The following PRR16 variants were observed in gnomAD, a reference collection of about 807,000 sequenced individuals.
PRR16 encodes protein Largen.
A neutral mutation model predicts 18.2 loss-of-function variants in PRR16; 6 were observed. The observed-to-expected ratio is 0.33, with a 90% CI of 0.18 to 0.65. The LOEUF (loss-of-function observed/expected upper bound fraction) is 0.65. PRR16 is among the 30% of genes least tolerant of loss of function. PRR16 has a pLI of 0.74. For missense variants in PRR16, 412 were observed against 376.6 expected, an observed-to-expected ratio of 1.09 and a Z score of -0.78; for synonymous variants, 151 against 147.8, an observed-to-expected ratio of 1.02 and a Z score of -0.16.
At chr5:120,715,012 C>T in the PRR16 span, among the ~76,000 whole-genome samples, 49 of 151,572 alleles carry the variant, frequency 3.2e-4, no homozygotes, top group African/African-American at 1.1e-3. Context: ...GGGGAGGGAA[C>T]TTAGAGGACA....
chr5:120,582,443 A>G (rs1173563400), intron 1 of PRR16, among the ~76,000 whole-genome samples: 3 of 152,078 alleles, frequency 2.0e-5, no homozygotes, highest in Admixed American at 6.6e-5. Context: ...GTACCCCTGA[A>G]TCTAAAATAA....
chr5:120,743,674 T>C, the PRR16 span, among the ~76,000 whole-genome samples: 3 of 152,150 alleles, frequency 2.0e-5, no homozygotes, highest in Admixed American at 1.3e-4. Flanking sequence ...CATGGTTACT[T>C]TTACTTTTTG....
intron 1 of PRR16, among the ~76,000 whole-genome samples, chr5:120,645,049 C>A (rs1377477881): frequency 6.6e-6 from 1 of 152,066 alleles, no homozygotes; most frequent in Non-Finnish European, 1.5e-5. Flanking sequence ...CTCTGGAGGT[C>A]AGTTATTTGC....
intron 1 of PRR16, chr5:120,481,126 A>G: frequency 8.4e-7 from 1 of 1,190,288 alleles, no homozygotes; most frequent in Non-Finnish European, 1.1e-6. Context: ...CAGCTACTTT[A>G]CCAATGTTTT....
intron 1 of PRR16, among the ~76,000 whole-genome samples, chr5:120,680,153 G>C (rs1351603973): frequency 6.6e-6 from 1 of 151,942 alleles, no homozygotes; most frequent in Non-Finnish European, 1.5e-5. Context: ...CATTTTCTCA[G>C]CATGACTTTA....
At chr5:120,752,790 G>T in the PRR16 span, among the ~76,000 whole-genome samples, 1 of 151,834 alleles carries the variant, frequency 6.6e-6, no homozygotes, top group African/African-American at 2.4e-5. Flanking sequence ...TTACGAGATA[G>T]TTATTTAGCT....
In PRR16 at chr5:120,541,317, T is replaced by G. The variant is rs145217657; in HGVS notation, c.159+76672T>G. On this transcript the variant is annotated intron_variant, in intron 1 of 1. Transcript: ENST00000407149. ...CATGCCACCATGCCCAGCTAATTTTTGTATTTTTAGTTGAGATGTGGTTTC... is the reference window on the plus strand; with the variant it reads ...CATGCCACCATGCCCAGCTAATTTTGGTATTTTTAGTTGAGATGTGGTTTC... 1.7e-4 allele frequency among the ~76,000 whole-genome samples: 26 copies of G among 152,300 alleles called. 1 individual carries two copies. The East Asian group carries it at 4.4e-3, about 26-fold the overall frequency.
chr5:120,768,595 C>G, the PRR16 span, among the ~76,000 whole-genome samples: 2 of 151,392 alleles, frequency 1.3e-5, no homozygotes, highest in African/African-American at 2.4e-5. Context: ...CTTTACTCAT[C>G]GTATTCACCT....
intron 1 of PRR16, among the ~76,000 whole-genome samples, chr5:120,634,080 T>G (rs966714854): frequency 6.6e-6 from 1 of 152,128 alleles, no homozygotes; most frequent in Non-Finnish European, 1.5e-5. Context: ...TCAAGTACTC[T>G]CTCAGATCAC....
intron 1 of PRR16, among the ~76,000 whole-genome samples, chr5:120,603,832 G>A (rs1350511414): frequency 6.6e-6 from 1 of 151,804 alleles, no homozygotes; most frequent in African/African-American, 2.4e-5. Context: ...TCAGGAGCAG[G>A]TTATTTAATT....
chr5:120,698,518 CAAGAG>C, the PRR16 span, among the ~76,000 whole-genome samples: 2 of 135,020 alleles, frequency 1.5e-5, no homozygotes, highest in African/African-American at 5.7e-5. Context: ...ACAGTGTAAA[CAAGAG>C]CAGGGCATGT....
intron 1 of PRR16, among the ~76,000 whole-genome samples, chr5:120,563,713 C>T (rs1752647788): frequency 6.6e-6 from 1 of 152,190 alleles, no homozygotes; most frequent in Non-Finnish European, 1.5e-5. Flanking sequence ...AAATGCCTGC[C>T]TATTGCTCTA....
intron 1 of PRR16, among the ~76,000 whole-genome samples, chr5:120,637,249 A>G (rs1447977669): frequency 6.8e-6 from 1 of 148,128 alleles, no homozygotes; most frequent in Non-Finnish European, 1.5e-5. Flanking sequence ...TACAAAAAGT[A>G]GATCTATCAT....
chr5:120,541,057 AT>A (rs1751898205), intron 1 of PRR16, among the ~76,000 whole-genome samples: 2 of 152,302 alleles, frequency 1.3e-5, no homozygotes, highest in African/African-American at 4.8e-5. Context: ...AGGTCTTATA[AT>A]TGATTGCTTT....
chr5:120,685,992 G>T lies in PRR16; in HGVS notation c.198G>T (p.Gln66His). The part of the protein sequence containing the change: ...DQIDTLTSDL[Q>H]LEDEMTDSSK... ...TTGACACCCTGACCTCTGACCTACAGCTGGAGGATGAGATGACTGACAGCT... is the reference window on the plus strand; with the variant it reads ...TTGACACCCTGACCTCTGACCTACATCTGGAGGATGAGATGACTGACAGCT... The change falls in exon 2 of 2, where the codon CAG (glutamine) becomes CAT (histidine). Residue 66 changes from glutamine (Q) to histidine (H), a missense_variant. By Grantham distance (24) the Gln-to-His change is conservative (BLOSUM62 0). Transcript: ENST00000407149. 6.2e-7 allele frequency: 1 copy of T among 1,614,008 alleles called. No homozygotes were observed. Among genetic ancestry groups the T allele is most frequent in the Non-Finnish European group, 8.5e-7 (1 of 1,179,926 alleles).
intron 1 of PRR16, among the ~76,000 whole-genome samples, chr5:120,518,912 G>T (rs1290721803): frequency 6.6e-6 from 1 of 152,100 alleles, no homozygotes; most frequent in Non-Finnish European, 1.5e-5. Flanking sequence ...TTTTAAGGAT[G>T]TTTGAGAACA....
intron 1 of PRR16, among the ~76,000 whole-genome samples, chr5:120,637,179 T>C (rs926523808): frequency 6.6e-6 from 1 of 152,096 alleles, no homozygotes; most frequent in Non-Finnish European, 1.5e-5. Context: ...TTTTAAACTG[T>C]TGTTGGTAAT....
At position 120,678,807 on chromosome 5, in the gene PRR16, G is replaced by C. The variant is rs1351745838; in HGVS notation, c.160-7147G>C. On this transcript the variant is annotated intron_variant, in intron 1 of 1. Coordinates refer to ENST00000407149, the MANE Select transcript of PRR16 (RefSeq NM_001300783.2). ...TTCTCTTATCTAATTGCTCTAGCTAGGACATCTGAATTCCACTCTAATGAC... is the reference window on the plus strand; with the variant it reads ...TTCTCTTATCTAATTGCTCTAGCTACGACATCTGAATTCCACTCTAATGAC... Among the ~76,000 whole-genome samples, 4 of 152,082 alleles carry C rather than the reference G, an allele frequency of 2.6e-5. No individual in the cohort carries two copies. In the East Asian group the frequency reaches 7.7e-4, roughly 29 times the overall value.
At chr5:120,554,900 C>G (rs534784306) in intron 1 of PRR16, among the ~76,000 whole-genome samples, 6 of 152,064 alleles carry the variant, frequency 3.9e-5, no homozygotes, top group African/African-American at 1.4e-4. Context: ...GCATATCTTT[C>G]TGTGTCTCCA....
Sources: gnomAD v4.1 joint callset for allele counts (sites outside exome capture counted in the v4.1 genomes callset) on GRCh38, gnomAD v4.1.1 for gene constraint, MANE v1.5 for transcripts, NCBI Gene and HGNC (gene_info 2026-07-23, HGNC 2026-07-21) for gene names.